Variants in SYN3 observed in about 807,000 individuals in gnomAD.
The protein encoded by SYN3 is synapsin-3.
A neutral mutation model predicts 65.8 loss-of-function variants in SYN3; 35 were observed. The ratio of observed to expected loss-of-function variants is 0.53; its 90% CI spans 0.41 to 0.70. The LOEUF is 0.70. SYN3 is among the 30% of genes least tolerant of loss of function. SYN3 has a pLI of 0.00. For synonymous variants in SYN3, 270 were observed against 292.9 expected, an observed-to-expected ratio of 0.92 and a Z score of 0.80; for missense variants, 680 against 749.0, an observed-to-expected ratio of 0.91 and a Z score of 1.08.
chr22:32,823,901 T>C (rs242088), intron 6 of SYN3, among the ~76,000 whole-genome samples: 71,525 of 151,970 alleles, frequency 0.47, 17,121 homozygotes, highest in Admixed American at 0.56. Flanking sequence ...TGAAGGTCTT[T>C]TGACACCTAT....
intron 6 of SYN3, among the ~76,000 whole-genome samples, chr22:32,855,304 A>C (rs1369213262): frequency 6.6e-6 from 1 of 152,196 alleles, no homozygotes; most frequent in Non-Finnish European, 1.5e-5. Context: ...AGCTTCTGTT[A>C]CATTCATTCA....
At chr22:32,751,078 G>A (rs1171826150) in intron 6 of SYN3, among the ~76,000 whole-genome samples, 1 of 152,174 alleles carries the variant, frequency 6.6e-6, no homozygotes, top group African/African-American at 2.4e-5. Context: ...AGAGGACCAG[G>A]AGCCCTGAGC....
intron 2 of SYN3, among the ~76,000 whole-genome samples, chr22:32,987,504 C>T (rs1190467489): frequency 1.3e-5 from 2 of 152,170 alleles, no homozygotes; most frequent in African/African-American, 2.4e-5. Context: ...CCCCCTCAAC[C>T]GCAAACAATG....
chr22:32,928,308 C>T (rs999406789), intron 4 of SYN3, among the ~76,000 whole-genome samples: 11 of 151,490 alleles, frequency 7.3e-5, no homozygotes, highest in African/African-American at 1.7e-4. Context: ...CCAGCCTGGG[C>T]GACAGAGCGA....
intron 6 of SYN3, chr22:32,857,390 G>C: frequency 6.4e-7 from 1 of 1,564,736 alleles, no homozygotes; most frequent in Non-Finnish European, 8.8e-7. Context: ...TCTAGGCCAG[G>C]GTTTGGCCAA....
At chr22:32,903,447 A>G (rs1170705000) in intron 4 of SYN3, among the ~76,000 whole-genome samples, 2 of 152,220 alleles carry the variant, frequency 1.3e-5, no homozygotes, top group African/African-American at 4.8e-5. Context: ...CACACCACTG[A>G]CGATCAAGTT....
intron 6 of SYN3, among the ~76,000 whole-genome samples, chr22:32,851,348 G>A (rs778835086): frequency 1.1e-4 from 16 of 152,148 alleles, no homozygotes; most frequent in Admixed American, 4.6e-4. Context: ...CCTACCATCA[G>A]GGCCTGGAGA....
At chr22:32,529,697 C>T (rs1045995608) in intron 10 of SYN3, among the ~76,000 whole-genome samples, 1 of 152,164 alleles carries the variant, frequency 6.6e-6, no homozygotes, top group Non-Finnish European at 1.5e-5. Context: ...CACGTGATTC[C>T]CTGGGCATGG....
At chr22:32,627,205 G>A (rs191567219) in intron 6 of SYN3, among the ~76,000 whole-genome samples, 21 of 150,688 alleles carry the variant, frequency 1.4e-4, no homozygotes, top group Non-Finnish European at 1.8e-4. Context: ...GAGCTGGCAC[G>A]GTTCAAGTGC....
At chr22:32,666,734 A>G (rs1344923181) in intron 6 of SYN3, among the ~76,000 whole-genome samples, 1 of 151,722 alleles carries the variant, frequency 6.6e-6, no homozygotes, top group Non-Finnish European at 1.5e-5. Context: ...AGTTGACTTT[A>G]TTTTCTGTTC....
At chr22:32,791,277 C>T (rs545485579) in intron 6 of SYN3, among the ~76,000 whole-genome samples, 15 of 152,252 alleles carry the variant, frequency 9.9e-5, no homozygotes, top group African/African-American at 3.4e-4. Flanking sequence ...TAGATGTTTG[C>T]CTTCGCTTTA....
intron 6 of SYN3, among the ~76,000 whole-genome samples, chr22:32,698,803 G>A (rs1307699517): frequency 1.3e-5 from 2 of 152,166 alleles, no homozygotes; most frequent in Non-Finnish European, 2.9e-5. Flanking sequence ...AGAGCTAACT[G>A]TAGGAAGTAA....
intron 6 of SYN3, among the ~76,000 whole-genome samples, chr22:32,671,410 CACAT>C (rs112113734): frequency 6.6e-6 from 1 of 151,962 alleles, no homozygotes. Flanking sequence ...ACACTCATCT[CACAT>C]ACATACTCAC....
At position 32,590,931 on chromosome 22, in the gene SYN3, T is replaced by G. The variant is rs114642271; in HGVS notation, c.774+5743A>C. On this transcript the variant is annotated intron_variant, in intron 7 of 13. Transcript: ENST00000358763. ...ATCTCCCCTACTGACTTAGGTTGGA[T>G]TTTGGGTGCCCAGAACAGGTCTGAA... is the stretch of plus-strand genomic sequence containing the variant. Among the ~76,000 whole-genome samples the G allele has an allele frequency of 6.9e-3, 1,056 of 152,346 alleles. 10 individuals carry two copies. Among genetic ancestry groups the G allele is most frequent in the African/African-American group, 0.024 (989 of 41,578 alleles).
intron 4 of SYN3, among the ~76,000 whole-genome samples, chr22:32,927,502 G>A (rs540931842): frequency 2.0e-5 from 3 of 151,886 alleles, no homozygotes; most frequent in Non-Finnish European, 4.4e-5. Context: ...CACCCACCTG[G>A]CCTCCCAAAG....
At chr22:32,753,307 G>A (rs990986467) in intron 6 of SYN3, among the ~76,000 whole-genome samples, 1 of 152,148 alleles carries the variant, frequency 6.6e-6, no homozygotes, top group African/African-American at 2.4e-5. Context: ...CCTAGTCCCA[G>A]GGAACAACCC....
At chr22:32,599,101 T>C (rs140765400) in intron 6 of SYN3, among the ~76,000 whole-genome samples, 364 of 152,342 alleles carry the variant, frequency 2.4e-3, no homozygotes, top group African/African-American at 4.7e-3. Context: ...CCTTGATTTG[T>C]TCTGTTTTTA....
intron 6 of SYN3, among the ~76,000 whole-genome samples, chr22:32,650,226 T>TTC (rs1555915807): frequency 8.7e-6 from 1 of 114,606 alleles, no homozygotes; most frequent in East Asian, 5.1e-4. Context: ...TCTCTCTCTC[T>TTC]CTCTCTCCCT....
chr22:32,847,900 C>T (rs2048113981), intron 6 of SYN3, among the ~76,000 whole-genome samples: 1 of 152,188 alleles, frequency 6.6e-6, no homozygotes, highest in Non-Finnish European at 1.5e-5. Flanking sequence ...TGGAAGTATC[C>T]AGCACCCTCA....
Sources: gnomAD v4.1 joint callset for allele counts (sites outside exome capture counted in the v4.1 genomes callset) on GRCh38, gnomAD v4.1.1 for gene constraint, MANE v1.5 for transcripts, NCBI Gene and HGNC (gene_info 2026-07-23, HGNC 2026-07-21) for gene names.